The following WDR17 variants were observed in gnomAD, a reference collection of about 807,000 sequenced individuals.
The protein encoded by WDR17 is WD repeat-containing protein 17.
Under a neutral mutation model 161.7 loss-of-function variants are expected in WDR17, and 143 were observed. The ratio of observed to expected loss-of-function variants is 0.88; its 90% CI spans 0.77 to 1.02. WDR17 has a LOEUF of 1.02. WDR17 is among the 50% of genes least tolerant of loss of function. The pLI is 0.00. For synonymous variants in WDR17, 517 were observed against 515.6 expected (o/e 1.00, Z -0.04); for missense variants, 1,469 against 1,520.9 (o/e 0.97, Z 0.57).
chr4:176,072,303 C>A (rs2126551526), intron 1 of WDR17, among the ~76,000 whole-genome samples: 1 of 152,274 alleles, frequency 6.6e-6, no homozygotes, highest in East Asian at 1.9e-4. Context: ...TCTTTATAGA[C>A]ATTGAACTAG....
At chr4:176,136,043 G>T (rs891892356) in intron 8 of WDR17, among the ~76,000 whole-genome samples, 2 of 151,488 alleles carry the variant, frequency 1.3e-5, no homozygotes, top group African/African-American at 4.8e-5. Context: ...GAGAGTTTGG[G>T]AATCTCTGAG....
chr4:176,135,434 T>A (rs1744254259), intron 8 of WDR17, 158 bp downstream of exon 8: 7 of 826,298 alleles, frequency 8.5e-6, no homozygotes, highest in Admixed American at 2.7e-5. Flanking sequence ...TTTGCGAGGT[T>A]TAAGAAGAGT....
chr4:176,098,853 T>A (rs1737336200), intron 1 of WDR17, among the ~76,000 whole-genome samples: 1 of 151,988 alleles, frequency 6.6e-6, no homozygotes, highest in Non-Finnish European at 1.5e-5. Context: ...GTCCTAATTA[T>A]TATTTTAATA....
At chr4:176,120,386 T>C (rs968092309) in intron 4 of WDR17, among the ~76,000 whole-genome samples, 16 of 150,580 alleles carry the variant, frequency 1.1e-4, no homozygotes, top group African/African-American at 3.9e-4. Flanking sequence ...TTTCCCTTAT[T>C]TGTATTTTTA....
chr4:176,066,176 A>T (rs1732500979), intron 1 of WDR17, 97 bp downstream of exon 1: 1 of 152,226 alleles, frequency 6.6e-6, no homozygotes. Context: ...AGGGGCTCTG[A>T]CCTCCCTGTG....
rs2126720275 is a variant in WDR17, at chr4:176,119,952, C to T, written c.393C>T (p.Thr131=). 1 of 1,613,894 alleles carries T rather than the reference C, an allele frequency of 6.2e-7. No individual in the cohort carries two copies. The change falls in exon 4 of 29, where the codon ACC becomes ACT. Residue 131 remains threonine, a synonymous_variant. Transcript: ENST00000508596. ...VSHRGPLFIW[T]ISGPDSGVIV... is the part of the protein sequence containing the mutation. ...ACAGAGGCCCACTGTTCATTTGGAC[C>T]ATCTCAGGACCAGATAGTGGAGTGA...
intron 1 of WDR17, among the ~76,000 whole-genome samples, chr4:176,082,774 C>T (rs1734913556): frequency 6.6e-6 from 1 of 151,966 alleles, no homozygotes; most frequent in Non-Finnish European, 1.5e-5. Flanking sequence ...ATGTTAGATT[C>T]ATCTGCATTT....
intron 22 of WDR17, chr4:176,166,029 A>G (rs943526062): frequency 2.5e-5 from 16 of 631,028 alleles, no homozygotes; most frequent in Admixed American, 7.6e-5. Flanking sequence ...TTTTTAAGCT[A>G]TAAACAGCGC....
At chr4:176,177,214 C>T in intron 27 of WDR17, 58 bp downstream of exon 27, 2 of 1,454,756 alleles carry the variant, frequency 1.4e-6, no homozygotes. Flanking sequence ...TATAGACAAA[C>T]TTGTTGGAAG....
intron 1 of WDR17, among the ~76,000 whole-genome samples, chr4:176,109,589 A>G (rs1279087085): frequency 1.3e-5 from 2 of 152,220 alleles, no homozygotes; most frequent in African/African-American, 4.8e-5. Flanking sequence ...ATGAGAAGAA[A>G]GTAGATCCTT....
At chr4:176,154,254 G>A (rs936605279) in intron 17 of WDR17, among the ~76,000 whole-genome samples, 1 of 152,140 alleles carries the variant, frequency 6.6e-6, no homozygotes, top group Non-Finnish European at 1.5e-5. Context: ...GCTGAGGCAG[G>A]TGGATCACCT....
At chr4:176,078,068 G>C (rs1404489158) in intron 1 of WDR17, among the ~76,000 whole-genome samples, 3 of 151,934 alleles carry the variant, frequency 2.0e-5, no homozygotes, top group Non-Finnish European at 4.4e-5. Context: ...ATTCTACTCA[G>C]TGTAATTATC....
At chr4:176,159,876 A>G (rs545514135) in intron 18 of WDR17, 118 bp from the exon 19 acceptor site, 1 of 958,670 alleles carries the variant, frequency 1.0e-6, no homozygotes, top group South Asian at 2.6e-5. Flanking sequence ...TAAAAGTGGT[A>G]TGCCAAAGGG....
At chr4:176,127,385 G>T (rs984744070) in intron 5 of WDR17, among the ~76,000 whole-genome samples, 2 of 151,490 alleles carry the variant, frequency 1.3e-5, no homozygotes, top group African/African-American at 4.9e-5. Flanking sequence ...CTCCACCTCT[G>T]GGTTCAAGTG....
chr4:176,084,778 A>G (rs1735214051), intron 1 of WDR17, among the ~76,000 whole-genome samples: 1 of 147,104 alleles, frequency 6.8e-6, no homozygotes, highest in Admixed American at 6.8e-5. Flanking sequence ...TATATTATAT[A>G]TATATATAAA....
chr4:176,134,908 G>A (rs1023493830), intron 7 of WDR17, among the ~76,000 whole-genome samples, 200 bp from the exon 8 acceptor site: 1 of 151,646 alleles, frequency 6.6e-6, no homozygotes, highest in African/African-American at 2.4e-5. Flanking sequence ...ATCTAGGTCT[G>A]TACAAAATAA....
chr4:176,142,356 A>C (rs1444192887), intron 11 of WDR17, among the ~76,000 whole-genome samples: 2 of 152,236 alleles, frequency 1.3e-5, no homozygotes, highest in African/African-American at 4.8e-5. Flanking sequence ...AAATGAGTCC[A>C]TTGCATGTAT....
chr4:176,131,566 C>T lies in WDR17; in HGVS notation c.926C>T (p.Ser309Phe). The change falls in exon 7 of 29, where the codon TCT (serine) becomes TTT (phenylalanine). Residue 309 changes from serine (S) to phenylalanine (F), a missense_variant. Coordinates refer to ENST00000508596, the MANE Select transcript of WDR17 (RefSeq NM_181265.4). ...SPPRKKFSVQ[S>F]PTKNHYTSST... is the part of the protein sequence containing the mutation. ...CTTCTATTTTTAGTTTCAGTCCAATCTCCAACCAAAAATCATTATACATCC... is the reference window on the plus strand; with the variant it reads ...CTTCTATTTTTAGTTTCAGTCCAATTTCCAACCAAAAATCATTATACATCC... 1.2e-6 allele frequency: 2 copies of T among 1,605,802 alleles called. No individual in the cohort carries two copies. The highest frequency in any genetic ancestry group is 1.7e-6 in the Non-Finnish European group (2 of 1,176,478).
chr4:176,114,013 A>G (rs1579084320), intron 2 of WDR17, among the ~76,000 whole-genome samples: 1 of 152,032 alleles, frequency 6.6e-6, no homozygotes, highest in Non-Finnish European at 1.5e-5. Context: ...TAGTGTGCTT[A>G]CAGTTACTAT....
Sources: allele counts gnomAD v4.1 joint callset (sites outside exome capture counted in the v4.1 genomes callset), GRCh38; gene constraint gnomAD v4.1.1; transcripts MANE v1.5; gene names NCBI Gene and HGNC (gene_info 2026-07-23, HGNC 2026-07-21).